The following PLXDC2 variants were observed in gnomAD, a reference collection of about 807,000 sequenced individuals.
PLXDC2 encodes plexin domain containing 2, also known as plexin domain-containing protein 2.
PLXDC2 carries 40 observed loss-of-function variants against 68.9 expected under a neutral mutation model. That is an observed-to-expected ratio of 0.58 (90% CI 0.45 to 0.76). PLXDC2 has a LOEUF of 0.76. Among genes scored for constraint, PLXDC2 ranks in the 30% least tolerant of loss-of-function variants. The probability of loss-of-function intolerance (pLI) is 0.00; values close to 1 mark genes in which losing one functional copy is unlikely to be tolerated. For synonymous variants in PLXDC2, 243 were observed against 234.2 expected (o/e 1.04, Z -0.34); for missense variants, 644 against 661.9 (o/e 0.97, Z 0.30).
Position 19,942,912 on chromosome 10 carries a change from A to C in PLXDC2, c.113-58863A>C, listed in dbSNP as rs1034543288. ...ACGAAATGTTCATTTAAATATTTGT[A>C]GGGGAAAATCAAGCAGCTATTTGTA... is the stretch of plus-strand genomic sequence containing the variant. On this transcript the variant is annotated intron_variant, in intron 1 of 13. Coordinates refer to ENST00000377252, the MANE Select transcript of PLXDC2 (RefSeq NM_032812.9). 1.2e-4 allele frequency among the ~76,000 whole-genome samples: 18 copies of C among 152,358 alleles called. 1 individual carries two copies. Among genetic ancestry groups the C allele is most frequent in the African/African-American group, 4.1e-4 (17 of 41,588 alleles).
intron 5 of PLXDC2, among the ~76,000 whole-genome samples, chr10:20,144,825 A>T (rs1231058061): frequency 6.6e-6 from 1 of 152,214 alleles, no homozygotes; most frequent in Non-Finnish European, 1.5e-5. Flanking sequence ...TCATGGGCAC[A>T]TGATTCTAAT....
chr10:20,130,540 G>C (rs939841202), intron 4 of PLXDC2, among the ~76,000 whole-genome samples: 1 of 151,984 alleles, frequency 6.6e-6, no homozygotes, highest in Non-Finnish European at 1.5e-5. Flanking sequence ...ATATTGAATA[G>C]AAGTGGCAAG....
At position 20,088,220 on chromosome 10, in the gene PLXDC2, T is replaced by C. The variant is rs149538833; in HGVS notation, c.541+19981T>C. On this transcript the variant is annotated intron_variant, in intron 4 of 13. Transcript: ENST00000377252. ...TGTGTAGAGTAACGATATCTCCTAA[T>C]GCTGCAATTTCTGTGCCAATGCTTA... Among the ~76,000 whole-genome samples the C allele has an allele frequency of 8.9e-4, 136 of 152,318 alleles. 2 individuals are homozygous for C. In the East Asian group the frequency reaches 0.019, roughly 22 times the overall value.
At chr10:20,272,583 G>C (rs977857208) in intron 13 of PLXDC2, among the ~76,000 whole-genome samples, 3 of 152,148 alleles carry the variant, frequency 2.0e-5, no homozygotes, top group African/African-American at 7.2e-5. Flanking sequence ...ATAACACTTT[G>C]CCAGCCATGG....
chr10:19,836,330 G>C (rs965584539), intron 1 of PLXDC2, among the ~76,000 whole-genome samples: 1 of 152,134 alleles, frequency 6.6e-6, no homozygotes, highest in Non-Finnish European at 1.5e-5. Context: ...GTGCATAAGT[G>C]AGTTGAGAAT....
At chr10:20,273,492 A>G (rs1160210125) in intron 13 of PLXDC2, among the ~76,000 whole-genome samples, 2 of 152,196 alleles carry the variant, frequency 1.3e-5, no homozygotes, top group African/African-American at 2.4e-5. Context: ...AGAATATGAC[A>G]TCCGACTTCT....
intron 4 of PLXDC2, among the ~76,000 whole-genome samples, chr10:20,081,863 A>G (rs932334909): frequency 2.0e-5 from 3 of 151,706 alleles, no homozygotes; most frequent in African/African-American, 7.3e-5. Context: ...ACATGGTGAA[A>G]CCCCATCTCT....
At chr10:20,089,532 ATTAGGAGAAGGTTAAACTAACT>A (rs1291055507) in intron 4 of PLXDC2, among the ~76,000 whole-genome samples, 3 of 152,202 alleles carry the variant, frequency 2.0e-5, no homozygotes, top group Non-Finnish European at 4.4e-5. Flanking sequence ...AGTCCTTGAT[ATTAGGAGAAGGTTAAACTAACT>A]TTATTTACTA....
At chr10:19,975,357 C>T (rs895201196) in intron 1 of PLXDC2, among the ~76,000 whole-genome samples, 1 of 152,062 alleles carries the variant, frequency 6.6e-6, no homozygotes, top group African/African-American at 2.4e-5. Context: ...ACTCGGGAGG[C>T]CGAGGCAGGA....
At chr10:19,983,652 T>G (rs549812930) in intron 1 of PLXDC2, among the ~76,000 whole-genome samples, 3 of 152,198 alleles carry the variant, frequency 2.0e-5, no homozygotes, top group Non-Finnish European at 4.4e-5. Flanking sequence ...CCCTCCTCTA[T>G]CTGGGTTCTT....
intron 1 of PLXDC2, among the ~76,000 whole-genome samples, chr10:19,818,984 T>C (rs1453874794): frequency 6.6e-6 from 1 of 151,816 alleles, no homozygotes; most frequent in Non-Finnish European, 1.5e-5. Context: ...ATGTTTATCT[T>C]TTTATAAACC....
chr10:19,889,338 G>C, intron 1 of PLXDC2, among the ~76,000 whole-genome samples: 1 of 152,020 alleles, frequency 6.6e-6, no homozygotes, highest in African/African-American at 2.4e-5. Context: ...TTGGGACCGT[G>C]AATTAACTCA....
At chr10:20,272,186 A>C (rs1392113435) in intron 13 of PLXDC2, among the ~76,000 whole-genome samples, 1 of 152,156 alleles carries the variant, frequency 6.6e-6, no homozygotes, top group East Asian at 1.9e-4. Context: ...TGAGCCTCAG[A>C]AGGAAAATTG....
chr10:20,005,827 C>T (rs1835018326), intron 2 of PLXDC2, among the ~76,000 whole-genome samples: 2 of 152,132 alleles, frequency 1.3e-5, no homozygotes, highest in Admixed American at 1.3e-4. Context: ...GATTACATTT[C>T]CAAATGAGAT....
At chr10:19,979,938 A>G (rs1390154982) in intron 1 of PLXDC2, among the ~76,000 whole-genome samples, 2 of 152,210 alleles carry the variant, frequency 1.3e-5, no homozygotes. Flanking sequence ...TTGAATGTGT[A>G]TCATTGAAAA....
At chr10:20,044,122 T>TCCTTCCTTCCTTCCTCCCTCCCTCCCTC (rs71388894) in intron 2 of PLXDC2, among the ~76,000 whole-genome samples, 5 of 99,736 alleles carry the variant, frequency 5.0e-5, no homozygotes, top group African/African-American at 2.1e-4. Context: ...CTTCCTTCCT[T>TCCTTCCTTCCTTCCTCCCTCCCTCCCTC]CCTCCCTCCC....
chr10:19,892,311 C>A (rs1048815911), intron 1 of PLXDC2, among the ~76,000 whole-genome samples: 12 of 152,084 alleles, frequency 7.9e-5, no homozygotes, highest in African/African-American at 2.9e-4. Flanking sequence ...ACTTGAAGGA[C>A]CTAATTTGTC....
At chr10:20,104,820 A>AG (rs1833469205) in intron 4 of PLXDC2, among the ~76,000 whole-genome samples, 1 of 152,102 alleles carries the variant, frequency 6.6e-6, no homozygotes. Flanking sequence ...CGGGAAGCTG[A>AG]GGCAAGTGGA....
intron 9 of PLXDC2, among the ~76,000 whole-genome samples, chr10:20,182,240 G>T (rs1196046129): frequency 6.6e-6 from 1 of 151,740 alleles, no homozygotes; most frequent in African/African-American, 2.4e-5. Flanking sequence ...CCTTTACAGC[G>T]AATTCCTCCT....
Sources: allele counts gnomAD v4.1 joint callset (sites outside exome capture counted in the v4.1 genomes callset), GRCh38; gene constraint gnomAD v4.1.1; transcripts MANE v1.5; gene names NCBI Gene and HGNC (gene_info 2026-07-23, HGNC 2026-07-21).